The following DNAJA4 variants were observed in gnomAD, a reference collection of about 807,000 sequenced individuals.
DNAJA4 encodes dnaJ homolog subfamily A member 4.
DNAJA4 carries 32 observed loss-of-function variants against 39.7 expected under a neutral mutation model. That is an observed-to-expected ratio of 0.81 (90% CI 0.61 to 1.08). DNAJA4 has a LOEUF of 1.08. DNAJA4 is among the 50% of genes least tolerant of loss of function. DNAJA4 has a pLI of 0.00. For synonymous variants in DNAJA4, 184 were observed against 182.4 expected (o/e 1.01, Z -0.07); for missense variants, 439 against 505.1 (o/e 0.87, Z 1.25).
intron 1 of DNAJA4, chr15:78,265,577 C>T (rs1168726148): frequency 7.1e-6 from 5 of 702,250 alleles, no homozygotes. Context: ...CAATCATAGA[C>T]TGAAAATGCT....
chr15:78,271,001 G>A (rs185621877), intron 2 of DNAJA4, among the ~76,000 whole-genome samples: 3 of 152,244 alleles, frequency 2.0e-5, no homozygotes, highest in East Asian at 1.9e-4. Context: ...CCAGGAAGTC[G>A]AGGCTGCAGT....
chr15:78,281,122 G>C lies in DNAJA4; in HGVS notation c.*662G>C, dbSNP rs2049642613. ...CTGAACCTTCCAAGCTCTGTGGTGA[G>C]GACAAACCAGTGTTTGAATCATATG... On this transcript the variant is annotated 3_prime_UTR_variant, in exon 7 of 7. Coordinates refer to ENST00000394852, the MANE Select transcript of DNAJA4 (RefSeq NM_001130182.2). 6.6e-6 allele frequency: 1 copy of C among 152,660 alleles called. No individual in the cohort carries two copies. Among genetic ancestry groups the C allele is most frequent in the Admixed American group, 6.5e-5 (1 of 15,286 alleles). The allele number at this position is 152,660 out of a possible 1,614,324, so 9.5% of individuals were successfully genotyped here.
intron 5 of DNAJA4, among the ~76,000 whole-genome samples, chr15:78,278,976 T>C (rs901776490): frequency 1.8e-5 from 2 of 110,546 alleles, no homozygotes; most frequent in African/African-American, 5.6e-5. Context: ...GCCATGACTG[T>C]ATTTCAAAAA....
chr15:78,275,584 G>A lies in DNAJA4; in HGVS notation c.733G>A (p.Asp245Asn). ...LEPGDVIIVL[D>N]QKDHSVFQRR... ...GCCTGGTGATGTCATAATTGTGCTT[G>A]ATCAGAAGGATCATAGTGTCTTTCA... The change falls in exon 5 of 7, where the codon GAT becomes AAT. Residue 245 changes from aspartate (D) to asparagine (N), a missense_variant. By Grantham distance (23) the Asp-to-Asn change is conservative. Coordinates refer to ENST00000394852, the MANE Select transcript of DNAJA4 (RefSeq NM_001130182.2). The A allele has an allele frequency of 6.2e-7, 1 of 1,614,200 alleles. No homozygotes were observed. The highest frequency in any genetic ancestry group is 1.1e-5 in the South Asian group (1 of 91,082).
At position 78,275,774 on chromosome 15, in the gene DNAJA4, A is replaced by T. The variant is rs764000890; in HGVS notation, c.877+46A>T. 5 of 1,405,226 alleles carry T rather than the reference A, an allele frequency of 3.6e-6. No individual in the cohort carries two copies. In the African/African-American group the frequency reaches 7.2e-5, roughly 20 times the overall value. 87.0% of individuals were successfully genotyped at this position (1,405,226 alleles called of 1,614,324 possible). A position where few individuals can be genotyped will look rare whatever the true frequency, so the allele number is the denominator to read the frequency against. On this transcript the variant is annotated intron_variant, in intron 5 of 6. Transcript: ENST00000394852. Reference sequence around the variant, plus strand: ...TCCATTGATGTTCTGTATGTTTGGCATAATAATTCTGGCAAGTTAGCCTGA... The same window carrying T: ...TCCATTGATGTTCTGTATGTTTGGCTTAATAATTCTGGCAAGTTAGCCTGA...
rs1271938900 is a variant in DNAJA4 at position 78,279,002 on chromosome 15, A to G, written c.878-1043A>G. ...ATTTCAAAAAAAAAGAATAAACAGGAACACAAAAAGCCAGCAGCCTGGAGC... is the reference window on the plus strand; with the variant it reads ...ATTTCAAAAAAAAAGAATAAACAGGGACACAAAAAGCCAGCAGCCTGGAGC... On this transcript the variant is annotated intron_variant, in intron 5 of 6. Coordinates refer to ENST00000394852, the MANE Select transcript of DNAJA4 (RefSeq NM_001130182.2). This position sits in a 1 kb window ranked among gnomAD's most constrained non-coding sequence, Gnocchi z 4.5. 6.6e-6 allele frequency: 1 copy of G among 151,616 alleles called. No individual in the cohort carries two copies. The highest frequency in any genetic ancestry group is 2.4e-5 in the African/African-American group (1 of 41,266). 9.4% of individuals were successfully genotyped at this position (151,616 alleles called of 1,614,324 possible). A position where few individuals can be genotyped will look rare whatever the true frequency, so the allele number is the denominator to read the frequency against.
At chr15:78,264,273 G>A (rs559998101), upstream of DNAJA4, 73 of 1,322,228 alleles carry the variant, frequency 5.5e-5, no homozygotes, top group Middle Eastern at 2.5e-4. Context: ...AGTTGTCGGA[G>A]GGCGCCCTCC....
chr15:78,264,261 A>T, upstream of DNAJA4: 1 of 1,226,162 alleles, frequency 8.2e-7, no homozygotes. Context: ...GGGCGGCGGG[A>T]CAGTTGTCGG....
Position 78,270,500 on chromosome 15 carries a change from A to G in DNAJA4, c.136A>G (p.Lys46Glu). 1.2e-6 allele frequency: 2 copies of G among 1,611,446 alleles called. No homozygotes were observed. The highest frequency in any genetic ancestry group is 1.7e-6 in the Non-Finnish European group (2 of 1,179,140). The change falls in exon 2 of 7, where the codon AAA (lysine) becomes GAA (glutamate). Residue 46 changes from lysine to glutamate, a missense_variant. Physicochemically the swap from Lys to Glu is moderately conservative, Grantham distance 56. Transcript: ENST00000394852. ...TCTCTCTCTCTCTCTTTTAAAGTTT[A>G]AACTCATATCCCAGGCATATGAAGT... The part of the protein sequence containing the change: ...DKNPDEGEKF[K>E]LISQAYEVLS...
chr15:78,269,054 T>C (rs1218942841), intron 1 of DNAJA4, among the ~76,000 whole-genome samples: 1 of 152,004 alleles, frequency 6.6e-6, no homozygotes, highest in East Asian at 1.9e-4. Flanking sequence ...ACTGCAGAGT[T>C]GAGGAACAGC....
intron 3 of DNAJA4, 54 bp from the exon 4 acceptor site, chr15:78,274,143 G>A (rs1399321460): frequency 1.4e-5 from 22 of 1,551,328 alleles, no homozygotes; most frequent in Middle Eastern, 1.7e-4. Flanking sequence ...GCCCAGCAGG[G>A]ACACTGGTAA....
intron 5 of DNAJA4, among the ~76,000 whole-genome samples, chr15:78,278,639 T>C (rs866806393): frequency 4.3e-4 from 66 of 152,122 alleles, no homozygotes; most frequent in African/African-American, 1.5e-3. Context: ...AAGGTCACTA[T>C]GCTGTGCATG....
chr15:78,264,896 G>T lies in DNAJA4; in HGVS notation c.132+1G>T. The stretch of plus-strand genomic sequence containing the variant: ...CAAGAACCCGGATGAGGGCGAGAAG[G>T]TGCGGGGCGGCGCGGGGCACGGGCC... On this transcript the variant is annotated splice_donor_variant, in intron 1 of 6. Transcript: ENST00000394852. LOFTEE classifies it high-confidence loss of function. 6.3e-7 allele frequency: 1 copy of T among 1,590,376 alleles called. No individual in the cohort carries two copies. The highest frequency in any genetic ancestry group is 8.6e-7 in the Non-Finnish European group (1 of 1,167,986).
At chr15:78,275,813 A>G (rs1021454573) in intron 5 of DNAJA4, 85 bp downstream of exon 5, 18 of 951,360 alleles carry the variant, frequency 1.9e-5, no homozygotes, top group Non-Finnish European at 2.6e-5. Flanking sequence ...TTTTATTGCT[A>G]CATAATATTT....
chr15:78,266,400 CA>C, intron 1 of DNAJA4: 1 of 973,000 alleles, frequency 1.0e-6, no homozygotes, highest in South Asian at 1.5e-5. Context: ...GTGTAGGTTT[CA>C]CCCTGTCTAT....
Position 78,277,473 on chromosome 15 carries a change from T to C in DNAJA4, c.877+1745T>C, listed in dbSNP as rs145191268. Among the ~76,000 whole-genome samples, 521 of 152,310 alleles carry C rather than the reference T, an allele frequency of 3.4e-3. 5 individuals carry two copies. Among genetic ancestry groups the C allele is most frequent in the Non-Finnish European group, 2.1e-3 (145 of 68,020 alleles). ...TAAAATAAAACACCTTCCCTTAGGC[T>C]TCCATAGACCTCCCAAGGCACCCAT... On this transcript the variant is annotated intron_variant, in intron 5 of 6. Coordinates refer to ENST00000394852, the MANE Select transcript of DNAJA4 (RefSeq NM_001130182.2).
chr15:78,281,566 A>T lies in DNAJA4; in HGVS notation c.*1106A>T, dbSNP rs748700643. The T allele has an allele frequency of 2.0e-5, 3 of 152,246 alleles. No homozygotes were observed. Among genetic ancestry groups the T allele is most frequent in the African/African-American group, 7.2e-5 (3 of 41,458 alleles). 9.4% of individuals were successfully genotyped at this position (152,246 alleles called of 1,614,324 possible). A position where few individuals can be genotyped will look rare whatever the true frequency, so the allele number is the denominator to read the frequency against. ...TTTGTATGGACTACTACTGTAAATTATAGCTTGTTTGGAGGGATATTAGTC... is the reference window on the plus strand; with the variant it reads ...TTTGTATGGACTACTACTGTAAATTTTAGCTTGTTTGGAGGGATATTAGTC... On this transcript the variant is annotated 3_prime_UTR_variant, in exon 7 of 7. Transcript: ENST00000394852.
upstream of DNAJA4, chr15:78,264,546 A>G: frequency 1.6e-6 from 2 of 1,220,216 alleles, no homozygotes; most frequent in Non-Finnish European, 2.0e-6. Flanking sequence ...CCCGCCGCGG[A>G]GGAGCCGGTG....
intron 5 of DNAJA4, among the ~76,000 whole-genome samples, chr15:78,276,613 C>T (rs1208142914): frequency 6.6e-6 from 1 of 152,278 alleles, no homozygotes; most frequent in African/African-American, 2.4e-5. Context: ...CAAAGAATGT[C>T]TGGATGGGTG....
Sources: gnomAD v4.1 joint callset for allele counts (sites outside exome capture counted in the v4.1 genomes callset) on GRCh38, gnomAD v4.1.1 for gene constraint, Gnocchi (gnomAD v3.1) non-coding constraint, MANE v1.5 for transcripts, NCBI Gene and HGNC (gene_info 2026-07-23, HGNC 2026-07-21) for gene names.